The following SRBD1 variants were observed in gnomAD, a reference collection of about 807,000 sequenced individuals.
The protein encoded by SRBD1 is S1 RNA-binding domain-containing protein 1.
SRBD1 carries 88 observed loss-of-function variants against 115.3 expected under a neutral mutation model. The ratio of observed to expected loss-of-function variants is 0.76; its 90% CI spans 0.64 to 0.91. SRBD1 has a LOEUF of 0.91. Ranked by LOEUF, SRBD1 falls within the 40% of genes least tolerant of loss-of-function variation. The probability of loss-of-function intolerance (pLI) is 0.00; values close to 1 mark genes in which losing one functional copy is unlikely to be tolerated. For missense variants in SRBD1, 1,385 were observed against 1,177.4 expected (o/e 1.18, Z -2.58); for synonymous variants, 509 against 407.7 (o/e 1.25, Z -2.99).
chr2:45,604,151 T>A lies in SRBD1; in HGVS notation c.80+1211A>T, dbSNP rs1674188529. Among the ~76,000 whole-genome samples the A allele has an allele frequency of 2.6e-5, 4 of 152,148 alleles. No individual in the cohort carries two copies. In the South Asian group the frequency reaches 8.3e-4, roughly 32 times the overall value. ...AATAATCTCCTTAACTCATTTCCCCTACTTCCAGTTTTGCCCGCTATAGTC... is the reference window on the plus strand; with the variant it reads ...AATAATCTCCTTAACTCATTTCCCCAACTTCCAGTTTTGCCCGCTATAGTC... On this transcript the variant is annotated intron_variant, in intron 2 of 20. Transcript: ENST00000263736.
chr2:45,389,523 T>C lies in SRBD1; in HGVS notation c.2775A>G (p.Lys925=). The change falls in exon 21 of 21, where the codon AAA becomes AAG. Residue 925 remains lysine, a synonymous_variant. Transcript: ENST00000263736. The stretch of plus-strand genomic sequence containing the variant: ...TTCCAAAGAGAGTGGCATTCTCAAC[T>C]TTGCCTGTAAGAACTGTCCCAATCT... ...DLQIGTVLTG[K]VENATLFGIF... The C allele has an allele frequency of 6.2e-7, 1 of 1,614,104 alleles. No individual in the cohort carries two copies. Among genetic ancestry groups the C allele is most frequent in the Non-Finnish European group, 8.5e-7 (1 of 1,179,964 alleles).
At chr2:45,575,167 TA>T in intron 7 of SRBD1, among the ~76,000 whole-genome samples, 1 of 152,242 alleles carries the variant, frequency 6.6e-6, no homozygotes. Context: ...TCCATTTGTT[TA>T]AAAAATTATC....
At chr2:45,488,613 A>C (rs1459532823) in intron 14 of SRBD1, among the ~76,000 whole-genome samples, 1 of 152,214 alleles carries the variant, frequency 6.6e-6, no homozygotes, top group East Asian at 1.9e-4. Flanking sequence ...GATGGTTTAT[A>C]GATTAATACA....
chr2:45,510,571 T>C (rs1319860371), intron 14 of SRBD1, among the ~76,000 whole-genome samples: 1 of 152,176 alleles, frequency 6.6e-6, no homozygotes, highest in Admixed American at 6.5e-5. Flanking sequence ...TCACAGGGTT[T>C]ATAAAGTGCT....
intron 16 of SRBD1, among the ~76,000 whole-genome samples, chr2:45,441,541 G>C (rs1558396903): frequency 6.6e-6 from 1 of 152,054 alleles, no homozygotes; most frequent in Non-Finnish European, 1.5e-5. Context: ...TCATTTGCTG[G>C]CCATTTAGAC....
At chr2:45,599,387 CT>C (rs35501868) in intron 4 of SRBD1, 61 bp downstream of exon 4, 851,245 of 1,563,798 alleles carry the variant, frequency 0.54, 237,270 homozygotes, top group Non-Finnish European at 0.58. Flanking sequence ...AGTACAACCC[CT>C]ATGCTAGTCA....
chr2:45,406,520 C>T (rs912371557), intron 19 of SRBD1, among the ~76,000 whole-genome samples: 3 of 152,112 alleles, frequency 2.0e-5, no homozygotes, highest in African/African-American at 7.2e-5. Flanking sequence ...GACATTCTAC[C>T]TCCATCCTCT....
chr2:45,411,043 T>C (rs965700950), intron 19 of SRBD1, among the ~76,000 whole-genome samples: 2 of 152,216 alleles, frequency 1.3e-5, no homozygotes, highest in South Asian at 2.1e-4. Flanking sequence ...TCCAGGGTCA[T>C]AGGAATCCTG....
chr2:45,448,511 A>T (rs1668896152), intron 16 of SRBD1, among the ~76,000 whole-genome samples: 1 of 152,200 alleles, frequency 6.6e-6, no homozygotes, highest in African/African-American at 2.4e-5. Flanking sequence ...TGCATCTCAG[A>T]GGCCTGGGAG....
intron 14 of SRBD1, among the ~76,000 whole-genome samples, chr2:45,532,754 A>G (rs974678813): frequency 1.3e-5 from 2 of 151,864 alleles, no homozygotes; most frequent in African/African-American, 4.8e-5. Context: ...AGAGCATAAT[A>G]CAAAGATTTA....
chr2:45,534,316 TTTA>T (rs1369729418), intron 14 of SRBD1, among the ~76,000 whole-genome samples: 2 of 151,970 alleles, frequency 1.3e-5, no homozygotes, highest in Admixed American at 6.6e-5. Context: ...AAAACATAGT[TTTA>T]TTTTTTAATT....
intron 11 of SRBD1, among the ~76,000 whole-genome samples, chr2:45,552,143 A>C (rs1163681459): frequency 1.3e-5 from 2 of 152,226 alleles, no homozygotes; most frequent in Non-Finnish European, 2.9e-5. Flanking sequence ...CACGGGAATA[A>C]GATATGCAGA....
At chr2:45,520,100 C>G (rs1671236566) in intron 14 of SRBD1, among the ~76,000 whole-genome samples, 1 of 152,134 alleles carries the variant, frequency 6.6e-6, no homozygotes, top group South Asian at 2.1e-4. Flanking sequence ...AAAATTACAT[C>G]CCAGGCAATT....
At chr2:45,566,369 G>A (rs1320002449) in intron 9 of SRBD1, among the ~76,000 whole-genome samples, 5 of 152,168 alleles carry the variant, frequency 3.3e-5, no homozygotes, top group East Asian at 1.9e-4. Flanking sequence ...GTAATATTAC[G>A]TAGCAATAAA....
At chr2:45,416,277 A>C (rs910735676) in intron 18 of SRBD1, among the ~76,000 whole-genome samples, 3 of 151,808 alleles carry the variant, frequency 2.0e-5, no homozygotes, top group African/African-American at 4.8e-5. Context: ...ATTAAAAAAA[A>C]CAGGCATATA....
chr2:45,408,649 G>C (rs1195137580), intron 19 of SRBD1, among the ~76,000 whole-genome samples: 2 of 152,142 alleles, frequency 1.3e-5, no homozygotes, highest in Non-Finnish European at 2.9e-5. Context: ...ATAAATCAGT[G>C]TGTTACTTGG....
At chr2:45,478,815 T>G (rs1323412029) in intron 15 of SRBD1, among the ~76,000 whole-genome samples, 1 of 152,124 alleles carries the variant, frequency 6.6e-6, no homozygotes, top group African/African-American at 2.4e-5. Context: ...GTCAAGAATT[T>G]AAGAATACAG....
At chr2:45,412,093 G>A (rs148241920) in intron 19 of SRBD1, among the ~76,000 whole-genome samples, 1 of 151,950 alleles carries the variant, frequency 6.6e-6, no homozygotes, top group Non-Finnish European at 1.5e-5. Context: ...GTGACAGAGA[G>A]ATCTTGTCTC....
Position 45,581,675 on chromosome 2 carries a change from A to T in SRBD1, c.933+18T>A, listed in dbSNP as rs1488592239. 6.3e-7 allele frequency: 1 copy of T among 1,591,470 alleles called. No homozygotes were observed. The highest frequency in any genetic ancestry group is 1.4e-5 in the African/African-American group (1 of 73,868). On this transcript the variant is annotated intron_variant, in intron 6 of 20. Transcript: ENST00000263736. ...ATATATTCAGGTATTACATTAAAAG[A>T]TAAAAAGGATTCCTTACCACGTGTT...
Sources: allele counts gnomAD v4.1 joint callset (sites outside exome capture counted in the v4.1 genomes callset), GRCh38; gene constraint gnomAD v4.1.1; transcripts MANE v1.5; gene names NCBI Gene and HGNC (gene_info 2026-07-23, HGNC 2026-07-21).